NSD1: variants seen among roughly 807,000 people sequenced by gnomAD.
NSD1 encodes the protein nuclear receptor binding SET domain protein 1, also known as histone-lysine N-methyltransferase, H3 lysine-36 specific.
In NSD1, 26 loss-of-function variants were observed where a neutral mutation model predicts 242.7. That is an observed-to-expected ratio of 0.11 (90% CI 0.08 to 0.15). The LOEUF (loss-of-function observed/expected upper bound fraction) is 0.15. Among genes scored for constraint, NSD1 ranks in the 10% least tolerant of loss-of-function variants. The pLI is 1.00. For missense variants in NSD1, 2,495 were observed against 3,272.8 expected, an observed-to-expected ratio of 0.76 and a Z score of 5.80; for synonymous variants, 1,106 against 1,178.1, an observed-to-expected ratio of 0.94 and a Z score of 1.25.
chr5:177,243,461 G>C (rs1242539816), intron 8 of NSD1, among the ~76,000 whole-genome samples: 1 of 152,122 alleles, frequency 6.6e-6, no homozygotes, highest in Non-Finnish European at 1.5e-5. Context: ...GCCTCCCAAA[G>C]TGCTGAGATT....
At chr5:177,280,880 G>A (rs564832398) in intron 18 of NSD1, 46 bp downstream of exon 18, 1 of 1,588,026 alleles carries the variant, frequency 6.3e-7, no homozygotes, top group African/African-American at 1.3e-5. Context: ...CTTTGCAGTT[G>A]CTTGATATCA....
intron 2 of NSD1, among the ~76,000 whole-genome samples, chr5:177,157,980 C>A (rs1758276150): frequency 6.6e-6 from 1 of 152,220 alleles, no homozygotes; most frequent in South Asian, 2.1e-4. Context: ...ACTGATGCCA[C>A]TTTTTGTTTG....
intron 9 of NSD1, among the ~76,000 whole-genome samples, chr5:177,246,184 G>A (rs926568327): frequency 6.6e-6 from 1 of 150,762 alleles, no homozygotes; most frequent in Non-Finnish European, 1.5e-5. Context: ...TGGTCAGGCT[G>A]GTATCAAATT....
At chr5:177,230,517 G>A (rs1764973234) in intron 5 of NSD1, among the ~76,000 whole-genome samples, 2 of 152,018 alleles carry the variant, frequency 1.3e-5, no homozygotes, top group African/African-American at 4.8e-5. Context: ...AAGGTAGAGT[G>A]GAAACAGCAA....
At chr5:177,203,444 T>C (rs895216929) in intron 3 of NSD1, among the ~76,000 whole-genome samples, 2 of 152,228 alleles carry the variant, frequency 1.3e-5, no homozygotes, top group Admixed American at 6.5e-5. Flanking sequence ...TCTTTTAAAA[T>C]TTCCCTAATT....
At chr5:177,290,552 C>T (rs1023259092) in intron 21 of NSD1, among the ~76,000 whole-genome samples, 2 of 151,932 alleles carry the variant, frequency 1.3e-5, no homozygotes, top group African/African-American at 2.4e-5. Flanking sequence ...GGATTACAGG[C>T]CCCTGCCACC....
chr5:177,136,303 T>C, intron 2 of NSD1: 1 of 365,078 alleles, frequency 2.7e-6, no homozygotes, highest in Non-Finnish European at 5.1e-6. Context: ...GTTTAATTTC[T>C]CAAGTTGGAG....
intron 4 of NSD1, among the ~76,000 whole-genome samples, chr5:177,207,526 C>T (rs1304767129): frequency 1.3e-5 from 2 of 151,350 alleles, no homozygotes; most frequent in East Asian, 3.9e-4. Flanking sequence ...TTGTGATCTG[C>T]CCACCTCAGC....
chr5:177,203,277 G>A (rs1420145312), intron 3 of NSD1, among the ~76,000 whole-genome samples: 1 of 152,024 alleles, frequency 6.6e-6, no homozygotes, highest in East Asian at 1.9e-4. Context: ...AATTGTAAAT[G>A]TGTGGAAGAT....
chr5:177,180,569 GC>G (rs953855248), intron 2 of NSD1, among the ~76,000 whole-genome samples: 37 of 151,358 alleles, frequency 2.4e-4, no homozygotes, highest in African/African-American at 9.0e-4. Flanking sequence ...TAGTGACTTT[GC>G]CCTTTGCTTA....
At chr5:177,285,586 A>AT (rs1377080137) in intron 20 of NSD1, among the ~76,000 whole-genome samples, 1 of 151,276 alleles carries the variant, frequency 6.6e-6, no homozygotes, top group Non-Finnish European at 1.5e-5. Context: ...AAAAAAAAAA[A>AT]ATTTGTATAA....
intron 3 of NSD1, among the ~76,000 whole-genome samples, chr5:177,197,345 G>A (rs545045692): frequency 9.9e-5 from 15 of 152,140 alleles, no homozygotes; most frequent in African/African-American, 2.4e-4. Context: ...AAAACAGGGC[G>A]GGTGCAGTGG....
chr5:177,281,098 C>CT (rs1426472319), intron 18 of NSD1, among the ~76,000 whole-genome samples: 6 of 152,042 alleles, frequency 3.9e-5, no homozygotes, highest in Non-Finnish European at 8.8e-5. Flanking sequence ...GCTTTGTTTG[C>CT]TTTTTTGTGA....
chr5:177,251,914 A>G, intron 12 of NSD1, 61 bp downstream of exon 12: 2 of 1,607,220 alleles, frequency 1.2e-6, no homozygotes, highest in Non-Finnish European at 1.7e-6. Flanking sequence ...TTTTTCAGGA[A>G]AGACATTTAT....
intron 20 of NSD1, chr5:177,288,517 T>C (rs1759519512): frequency 3.0e-6 from 1 of 337,778 alleles, no homozygotes; most frequent in Admixed American, 4.4e-5. Flanking sequence ...GTTTTGGTAA[T>C]GAATTAACAT....
At chr5:177,289,690 C>T (rs1418975763) in intron 21 of NSD1, among the ~76,000 whole-genome samples, 1 of 152,072 alleles carries the variant, frequency 6.6e-6, no homozygotes, top group East Asian at 1.9e-4. Flanking sequence ...CTTAATCTCA[C>T]CATTATAAAA....
At chr5:177,284,615 C>T (rs890958423) in intron 20 of NSD1, among the ~76,000 whole-genome samples, 1 of 152,124 alleles carries the variant, frequency 6.6e-6, no homozygotes, top group Non-Finnish European at 1.5e-5. Context: ...ACAGTGTCTT[C>T]GGAACATGGA....
At chr5:177,288,976 C>T (rs749468323) in intron 21 of NSD1, 51 bp downstream of exon 21, 1 of 1,259,144 alleles carries the variant, frequency 7.9e-7, no homozygotes, top group Non-Finnish European at 1.2e-6. Context: ...GGTCCTCCCT[C>T]CCTAACAGTG....
At chr5:177,190,221 T>C (rs766616889) in intron 2 of NSD1, among the ~76,000 whole-genome samples, 4 of 152,096 alleles carry the variant, frequency 2.6e-5, no homozygotes, top group Admixed American at 6.6e-5. Context: ...CCTCCCAAAG[T>C]GCTGGAATTT....
Sources: gnomAD v4.1 joint callset for allele counts (sites outside exome capture counted in the v4.1 genomes callset) on GRCh38, gnomAD v4.1.1 for gene constraint, MANE v1.5 for transcripts, NCBI Gene and HGNC (gene_info 2026-07-23, HGNC 2026-07-21) for gene names.